The following VPS13B variants were observed in gnomAD, a reference collection of about 807,000 sequenced individuals.
VPS13B encodes intermembrane lipid transfer protein VPS13B.
In VPS13B, 285 loss-of-function variants were observed where a neutral mutation model predicts 426.4. The ratio of observed to expected loss-of-function variants is 0.67; its 90% confidence interval spans 0.61 to 0.74. VPS13B has a LOEUF of 0.74. Ranked by LOEUF, VPS13B falls within the 30% of genes least tolerant of loss-of-function variation. The pLI is 0.00. For synonymous variants in VPS13B, 1,676 were observed against 1,676.4 expected, an observed-to-expected ratio of 1.00 and a Z score of 0.01; for missense variants, 4,537 against 4,782.6, an observed-to-expected ratio of 0.95 and a Z score of 1.51.
chr8:99,838,273 A>G (rs1289609742), intron 54 of VPS13B, among the ~76,000 whole-genome samples: 1 of 152,220 alleles, frequency 6.6e-6, no homozygotes, highest in Non-Finnish European at 1.5e-5. Context: ...GCCTGACTTT[A>G]GGACAAAAAC....
intron 46 of VPS13B, 54 bp from the exon 47 acceptor site, chr8:99,818,659 G>T (rs1814185640): frequency 1.2e-6 from 2 of 1,608,432 alleles, no homozygotes; most frequent in Non-Finnish European, 1.7e-6. Flanking sequence ...TCAAACAGCT[G>T]GAATACTGCA....
chr8:99,310,672 T>A (rs577289482), intron 19 of VPS13B, among the ~76,000 whole-genome samples: 1 of 152,178 alleles, frequency 6.6e-6, no homozygotes, highest in Non-Finnish European at 1.5e-5. Flanking sequence ...TCTATTCCAG[T>A]CTTTGGTATC....
intron 23 of VPS13B, among the ~76,000 whole-genome samples, chr8:99,453,989 T>C (rs1818328743): frequency 6.6e-6 from 1 of 152,186 alleles, no homozygotes; most frequent in Admixed American, 6.6e-5. Flanking sequence ...ATAATATTTT[T>C]ACTGCCCCCA....
At chr8:99,835,928 G>C (rs777081069) in intron 54 of VPS13B, among the ~76,000 whole-genome samples, 190 bp downstream of exon 54, 1 of 152,146 alleles carries the variant, frequency 6.6e-6, no homozygotes, top group Non-Finnish European at 1.5e-5. Context: ...TATCTGCAAA[G>C]TAGACTACAC....
At chr8:99,161,395 G>C (rs1405747140) in intron 15 of VPS13B, among the ~76,000 whole-genome samples, 1 of 152,052 alleles carries the variant, frequency 6.6e-6, no homozygotes, top group Admixed American at 6.5e-5. Context: ...TACTCAAGAA[G>C]GATGTTCACC....
intron 30 of VPS13B, among the ~76,000 whole-genome samples, chr8:99,527,280 C>T (rs924043522): frequency 6.6e-6 from 1 of 151,886 alleles, no homozygotes; most frequent in Non-Finnish European, 1.5e-5. Flanking sequence ...TTAACTAACA[C>T]CTTATATGAA....
At chr8:99,369,464 G>A (rs1813063221) in intron 19 of VPS13B, among the ~76,000 whole-genome samples, 1 of 152,168 alleles carries the variant, frequency 6.6e-6, no homozygotes, top group African/African-American at 2.4e-5. Flanking sequence ...ATGTGATTGT[G>A]AGGCAGTGGG....
At chr8:99,395,776 G>T (rs889291380) in intron 21 of VPS13B, among the ~76,000 whole-genome samples, 2 of 152,096 alleles carry the variant, frequency 1.3e-5, no homozygotes, top group Non-Finnish European at 2.9e-5. Flanking sequence ...ATAGAAATAG[G>T]CTGAGAAATG....
intron 52 of VPS13B, among the ~76,000 whole-genome samples, chr8:99,833,826 T>G (rs1199048306): frequency 6.6e-6 from 1 of 152,246 alleles, no homozygotes; most frequent in Non-Finnish European, 1.5e-5. Context: ...AGTACCATAC[T>G]TGAGTCCTGG....
At chr8:99,081,393 T>C (rs1476273664) in intron 3 of VPS13B, among the ~76,000 whole-genome samples, 1 of 152,224 alleles carries the variant, frequency 6.6e-6, no homozygotes, top group Non-Finnish European at 1.5e-5. Context: ...TAAATCCTTT[T>C]TTCTTTTTAT....
chr8:99,614,498 G>A (rs1827994843), intron 33 of VPS13B, among the ~76,000 whole-genome samples: 2 of 151,898 alleles, frequency 1.3e-5, no homozygotes, highest in African/African-American at 2.4e-5. Flanking sequence ...GGCTGGTCTC[G>A]AATGCCCAAC....
At chr8:99,208,759 T>G (rs183873536) in intron 17 of VPS13B, among the ~76,000 whole-genome samples, 235 of 152,326 alleles carry the variant, frequency 1.5e-3, no homozygotes, top group African/African-American at 5.2e-3. Context: ...AAAACAGTCC[T>G]TTACTTTCAC....
At chr8:99,838,445 CATT>C (rs1229692929) in intron 54 of VPS13B, among the ~76,000 whole-genome samples, 3 of 152,180 alleles carry the variant, frequency 2.0e-5, no homozygotes, top group South Asian at 4.1e-4. Context: ...AATTAGGCAA[CATT>C]ATTTTGAAAA....
intron 33 of VPS13B, among the ~76,000 whole-genome samples, chr8:99,640,589 C>G (rs1424509934): frequency 6.6e-6 from 1 of 152,068 alleles, no homozygotes; most frequent in African/African-American, 2.4e-5. Flanking sequence ...CTTCTAGGAG[C>G]CTGTCTGTCC....
chr8:99,074,389 T>C (rs761782675), intron 3 of VPS13B, among the ~76,000 whole-genome samples: 13 of 151,598 alleles, frequency 8.6e-5, no homozygotes, highest in Non-Finnish European at 1.6e-4. Context: ...CGTCCTTTCA[T>C]CCCTTAAGTA....
At chr8:99,399,675 T>A (rs1266645895) in intron 21 of VPS13B, among the ~76,000 whole-genome samples, 2 of 152,178 alleles carry the variant, frequency 1.3e-5, no homozygotes, top group Non-Finnish European at 2.9e-5. Flanking sequence ...TACCACATAT[T>A]TGAATTTCTT....
At chr8:99,356,950 G>C (rs1422852578) in intron 19 of VPS13B, among the ~76,000 whole-genome samples, 1 of 150,872 alleles carries the variant, frequency 6.6e-6, no homozygotes, top group Admixed American at 6.6e-5. Flanking sequence ...CTATTTTTTT[G>C]CTTTCTGAAA....
At chr8:99,259,596 G>A (rs961041848) in intron 17 of VPS13B, among the ~76,000 whole-genome samples, 1 of 152,022 alleles carries the variant, frequency 6.6e-6, no homozygotes, top group African/African-American at 2.4e-5. Flanking sequence ...AAGGTTTTTT[G>A]TGTTGGCCTT....
chr8:99,540,896 C>CT (rs1377256662), intron 30 of VPS13B, among the ~76,000 whole-genome samples: 2 of 151,984 alleles, frequency 1.3e-5, no homozygotes, highest in Non-Finnish European at 2.9e-5. Context: ...TCGGTGTTTT[C>CT]TTTTCTATTA....
Sources: gnomAD v4.1 joint callset for allele counts (sites outside exome capture counted in the v4.1 genomes callset) on GRCh38, gnomAD v4.1.1 for gene constraint, MANE v1.5 for transcripts, NCBI Gene and HGNC (gene_info 2026-07-23, HGNC 2026-07-21) for gene names.